Variants in KCNIP4 observed in about 807,000 individuals in gnomAD.
KCNIP4 encodes the protein Kv channel-interacting protein 4.
KCNIP4 carries 12 observed loss-of-function variants against 34.0 expected under a neutral mutation model. The observed-to-expected ratio is 0.35, with a 90% CI of 0.23 to 0.57. KCNIP4 has a LOEUF of 0.57. KCNIP4 is among the 20% of genes least tolerant of loss of function. KCNIP4 has a pLI of 0.83. For synonymous variants in KCNIP4, 124 were observed against 102.2 expected (o/e 1.21, Z -1.29); for missense variants, 238 against 311.7 (o/e 0.76, Z 1.78).
chr4:21,084,869 A>G (rs1207073085), intron 1 of KCNIP4, among the ~76,000 whole-genome samples: 1 of 151,678 alleles, frequency 6.6e-6, no homozygotes, highest in Admixed American at 6.6e-5. Context: ...TACTAAATGC[A>G]TGAATACATA....
intron 1 of KCNIP4, among the ~76,000 whole-genome samples, chr4:21,099,991 TTTC>T (rs1747798791): frequency 6.6e-6 from 1 of 152,258 alleles, no homozygotes; most frequent in South Asian, 2.1e-4. Flanking sequence ...GGATGAGAAG[TTTC>T]TTCTTCTGGA....
At chr4:21,809,153 CTATG>C in intron 1 of KCNIP4, among the ~76,000 whole-genome samples, 1 of 152,058 alleles carries the variant, frequency 6.6e-6, no homozygotes, top group African/African-American at 2.4e-5. Context: ...AGTAAGTAGA[CTATG>C]TAAAGAAGAT....
chr4:20,888,897 G>C (rs541271262), intron 1 of KCNIP4, among the ~76,000 whole-genome samples: 2 of 152,056 alleles, frequency 1.3e-5, no homozygotes, highest in South Asian at 2.1e-4. Context: ...TACCATGCCT[G>C]GTTTGTAAAT....
chr4:21,545,581 G>C (rs1026819279), intron 1 of KCNIP4, among the ~76,000 whole-genome samples: 8 of 152,100 alleles, frequency 5.3e-5, no homozygotes, highest in Admixed American at 4.6e-4. Flanking sequence ...TCCCCTCCCT[G>C]TGTCCATGTG....
chr4:21,499,346 A>AAAAAAAAAAAC (rs1491409328), intron 1 of KCNIP4, among the ~76,000 whole-genome samples: 2 of 148,660 alleles, frequency 1.3e-5, no homozygotes, highest in African/African-American at 5.0e-5. Context: ...AAAAAAAAAA[A>AAAAAAAAAAAC]CAACTACATA....
At chr4:21,310,357 G>C (rs1343681382) in intron 1 of KCNIP4, among the ~76,000 whole-genome samples, 1 of 151,848 alleles carries the variant, frequency 6.6e-6, no homozygotes, top group Admixed American at 6.5e-5. Context: ...TTTACCCAGA[G>C]CCTGAAAGAA....
At chr4:21,357,644 G>T (rs1718773690) in intron 1 of KCNIP4, among the ~76,000 whole-genome samples, 1 of 152,174 alleles carries the variant, frequency 6.6e-6, no homozygotes. Flanking sequence ...AATTAGAATG[G>T]TGATCATTGA....
In KCNIP4 at chr4:20,877,393, A is replaced by G. The variant is rs910593806; in HGVS notation, c.163+5215T>C. Among the ~76,000 whole-genome samples, 7 of 152,086 alleles carry G rather than the reference A, an allele frequency of 4.6e-5. No individual in the cohort carries two copies. The East Asian group carries it at 1.4e-3, about 29-fold the overall frequency. On this transcript the variant is annotated intron_variant, in intron 2 of 8. Transcript: ENST00000382152. ...TCATTCAACTATCCCCTGTTGCCCTATTTAAATATGCCTTTTTTTCCTTCC... is the reference window on the plus strand; with the variant it reads ...TCATTCAACTATCCCCTGTTGCCCTGTTTAAATATGCCTTTTTTTCCTTCC...
chr4:21,900,393 G>T (rs1296569280), intron 1 of KCNIP4, among the ~76,000 whole-genome samples: 2 of 152,142 alleles, frequency 1.3e-5, no homozygotes, highest in Non-Finnish European at 2.9e-5. Flanking sequence ...CACTAATTTG[G>T]TTGACCGATT....
At chr4:20,923,459 A>G (rs1729599224) in intron 1 of KCNIP4, among the ~76,000 whole-genome samples, 1 of 152,136 alleles carries the variant, frequency 6.6e-6, no homozygotes, top group Non-Finnish European at 1.5e-5. Context: ...AACTGTATCT[A>G]GTTTCTTCAT....
At chr4:20,897,590 A>G (rs913729341) in intron 1 of KCNIP4, among the ~76,000 whole-genome samples, 1 of 151,730 alleles carries the variant, frequency 6.6e-6, no homozygotes, top group Non-Finnish European at 1.5e-5. Context: ...GTTTTTAAAG[A>G]GGTAATTAAG....
intron 1 of KCNIP4, among the ~76,000 whole-genome samples, chr4:21,549,671 G>T (rs1466124648): frequency 6.6e-6 from 1 of 151,878 alleles, no homozygotes; most frequent in East Asian, 1.9e-4. Flanking sequence ...ATCCAAAATG[G>T]GCTAATACAC....
At chr4:21,547,848 C>T (rs1188193697) in intron 1 of KCNIP4, among the ~76,000 whole-genome samples, 1 of 151,322 alleles carries the variant, frequency 6.6e-6, no homozygotes, top group Non-Finnish European at 1.5e-5. Flanking sequence ...TCATATATAC[C>T]TTATACGTAT....
chr4:21,378,361 C>T (rs185471417), intron 1 of KCNIP4, among the ~76,000 whole-genome samples: 33 of 152,162 alleles, frequency 2.2e-4, no homozygotes, highest in East Asian at 3.9e-4. Flanking sequence ...AATAAAAATG[C>T]GCCAATAGAT....
chr4:21,388,431 C>T (rs2109503292), intron 1 of KCNIP4, among the ~76,000 whole-genome samples: 1 of 152,008 alleles, frequency 6.6e-6, no homozygotes, highest in Non-Finnish European at 1.5e-5. Context: ...TTATGTCTAT[C>T]ACTTTTCATG....
At chr4:21,466,717 C>T (rs1729971588) in intron 1 of KCNIP4, among the ~76,000 whole-genome samples, 1 of 152,040 alleles carries the variant, frequency 6.6e-6, no homozygotes. Context: ...TACAAATGCC[C>T]CAGATAACGT....
At chr4:21,106,289 T>A (rs573338083) in intron 1 of KCNIP4, among the ~76,000 whole-genome samples, 1 of 151,866 alleles carries the variant, frequency 6.6e-6, no homozygotes, top group East Asian at 1.9e-4. Context: ...ATTGATCTAT[T>A]CAGAGATTCA....
At chr4:21,696,734 A>G (rs1324562673) in intron 1 of KCNIP4, among the ~76,000 whole-genome samples, 1 of 152,220 alleles carries the variant, frequency 6.6e-6, no homozygotes, top group Non-Finnish European at 1.5e-5. Flanking sequence ...AGATTTAAAT[A>G]GAATTTCTAT....
chr4:21,585,940 A>C (rs1741577305), intron 1 of KCNIP4, among the ~76,000 whole-genome samples: 1 of 152,102 alleles, frequency 6.6e-6, no homozygotes, highest in African/African-American at 2.4e-5. Flanking sequence ...TAAAATTAAT[A>C]CTTGCCTAAA....
Sources: allele counts gnomAD v4.1 joint callset (sites outside exome capture counted in the v4.1 genomes callset), GRCh38; gene constraint gnomAD v4.1.1; transcripts MANE v1.5; gene names NCBI Gene and HGNC (gene_info 2026-07-23, HGNC 2026-07-21).